Variants in CNTNAP2 observed in about 807,000 individuals in gnomAD.
The protein encoded by CNTNAP2 is contactin-associated protein-like 2.
A neutral mutation model predicts 155.2 loss-of-function variants in CNTNAP2; 98 were observed. The ratio of observed to expected loss-of-function variants is 0.63; its 90% CI spans 0.54 to 0.75. The LOEUF is 0.75. CNTNAP2 is among the 30% of genes least tolerant of loss of function. The pLI is 0.00. For missense variants in CNTNAP2, 1,727 were observed against 1,688.1 expected, an observed-to-expected ratio of 1.02 and a Z score of -0.40; for synonymous variants, 651 against 631.2, an observed-to-expected ratio of 1.03 and a Z score of -0.47.
intron 1 of CNTNAP2, among the ~76,000 whole-genome samples, chr7:146,671,108 A>C (rs944763630): frequency 3.3e-5 from 5 of 152,136 alleles, no homozygotes; most frequent in African/African-American, 1.2e-4. Context: ...TTCTCTCTAG[A>C]AATGTCTTCA....
intron 13 of CNTNAP2, among the ~76,000 whole-genome samples, chr7:147,794,563 T>A (rs1434482138): frequency 6.6e-6 from 1 of 151,842 alleles, no homozygotes. Context: ...TGAAGTTTTT[T>A]ATACCACAAT....
chr7:146,280,612 T>A (rs1232475974), intron 1 of CNTNAP2, among the ~76,000 whole-genome samples: 2 of 152,166 alleles, frequency 1.3e-5, no homozygotes, highest in African/African-American at 4.8e-5. Flanking sequence ...CCACATTATG[T>A]ATCATTTGGG....
chr7:147,654,996 T>C (rs929423828), intron 13 of CNTNAP2, among the ~76,000 whole-genome samples: 3 of 151,696 alleles, frequency 2.0e-5, no homozygotes, highest in African/African-American at 4.8e-5. Flanking sequence ...TTTGTATTTT[T>C]AGTAGAGACA....
intron 1 of CNTNAP2, among the ~76,000 whole-genome samples, chr7:146,596,667 T>C (rs1798866782): frequency 1.5e-5 from 2 of 133,782 alleles, no homozygotes; most frequent in African/African-American, 5.4e-5. Context: ...ATGTGAGCCA[T>C]GGTGGTTTTA....
chr7:146,843,491 C>T (rs1227762737), intron 3 of CNTNAP2, among the ~76,000 whole-genome samples: 1 of 150,852 alleles, frequency 6.6e-6, no homozygotes, highest in Non-Finnish European at 1.5e-5. Flanking sequence ...ATATCAGAGA[C>T]ACAATCTAAA....
chr7:146,739,407 C>G (rs985078953), intron 1 of CNTNAP2, among the ~76,000 whole-genome samples: 5 of 151,850 alleles, frequency 3.3e-5, no homozygotes, highest in Admixed American at 2.0e-4. Context: ...TTCACAGACT[C>G]ATTGATTGTT....
At chr7:146,882,286 C>A (rs543706127) in intron 3 of CNTNAP2, among the ~76,000 whole-genome samples, 3 of 152,088 alleles carry the variant, frequency 2.0e-5, no homozygotes, top group Non-Finnish European at 4.4e-5. Context: ...ATGCATGTAT[C>A]TTTTTGGCAG....
At chr7:146,414,608 G>A (rs940958) in intron 1 of CNTNAP2, among the ~76,000 whole-genome samples, 5,387 of 152,028 alleles carry the variant, frequency 0.035, 328 homozygotes, top group African/African-American at 0.12. Context: ...TTGTTATTTC[G>A]AGTTCCTACT....
chr7:146,597,094 C>T lies in CNTNAP2; in HGVS notation c.98-177177C>T, dbSNP rs548510060. ...GATGAAGAAAAATGTTATTGCAGCA[C>T]GGGAGAGCACTGTATTCTTATTAAG... On this transcript the variant is annotated intron_variant, in intron 1 of 23. Coordinates refer to ENST00000361727, the MANE Select transcript of CNTNAP2 (RefSeq NM_014141.6). Among the ~76,000 whole-genome samples, 21 of 152,068 alleles carry T rather than the reference C, an allele frequency of 1.4e-4. 1 individual carries two copies. Among genetic ancestry groups the T allele is most frequent in the Admixed American group, 1.2e-3 (18 of 15,244 alleles).
intron 18 of CNTNAP2, among the ~76,000 whole-genome samples, chr7:148,211,848 T>C (rs191745108): frequency 2.0e-5 from 3 of 152,330 alleles, no homozygotes; most frequent in Admixed American, 1.3e-4. Flanking sequence ...TAAAACATTG[T>C]TTCTGTGGGG....
At chr7:146,176,275 G>A (rs1346612222) in intron 1 of CNTNAP2, among the ~76,000 whole-genome samples, 1 of 152,096 alleles carries the variant, frequency 6.6e-6, no homozygotes, top group Non-Finnish European at 1.5e-5. Flanking sequence ...ATAATTGGGG[G>A]AAAAACAGAG....
At chr7:147,030,148 C>T (rs1157304016) in intron 3 of CNTNAP2, among the ~76,000 whole-genome samples, 6 of 152,172 alleles carry the variant, frequency 3.9e-5, no homozygotes, top group Non-Finnish European at 8.8e-5. Flanking sequence ...GTGTTGGTTA[C>T]TGCTATAAAT....
chr7:147,720,697 G>A (rs1057350347), intron 13 of CNTNAP2, among the ~76,000 whole-genome samples: 1 of 152,034 alleles, frequency 6.6e-6, no homozygotes, highest in Non-Finnish European at 1.5e-5. Context: ...ACTTCACTAG[G>A]CACTTCTCCT....
chr7:146,373,655 G>GA (rs1246345483), intron 1 of CNTNAP2, among the ~76,000 whole-genome samples: 1 of 151,804 alleles, frequency 6.6e-6, no homozygotes, highest in Non-Finnish European at 1.5e-5. Flanking sequence ...AAGAATAAAG[G>GA]AAAAAATAAA....
At chr7:146,908,622 T>A (rs1468008191) in intron 3 of CNTNAP2, among the ~76,000 whole-genome samples, 1 of 128,952 alleles carries the variant, frequency 7.8e-6, no homozygotes. Flanking sequence ...AGACACAACA[T>A]ACCAGAATCT....
chr7:146,593,820 G>T (rs1008348183), intron 1 of CNTNAP2, among the ~76,000 whole-genome samples: 1 of 152,064 alleles, frequency 6.6e-6, no homozygotes, highest in Admixed American at 6.6e-5. Flanking sequence ...TTTCAACTAG[G>T]CCTGACTTTT....
intron 21 of CNTNAP2, among the ~76,000 whole-genome samples, chr7:148,316,781 G>A (rs1311632578): frequency 6.6e-6 from 1 of 152,106 alleles, no homozygotes; most frequent in East Asian, 1.9e-4. Flanking sequence ...CATTTTGCAG[G>A]GAACCAAAGA....
rs373940426 is a variant in CNTNAP2 at position 147,999,229 on chromosome 7, C to T, written c.2383+21240C>T. Among the ~76,000 whole-genome samples, 13 of 152,140 alleles carry T rather than the reference C, an allele frequency of 8.5e-5. No individual in the cohort carries two copies. In the East Asian group the frequency reaches 1.7e-3, roughly 20 times the overall value. On this transcript the variant is annotated intron_variant, in intron 15 of 23. Transcript: ENST00000361727. The stretch of plus-strand genomic sequence containing the variant: ...TCCTGAGTAGCTGGAATTACAGGCA[C>T]GCACCACCACACACAGCTAATTGTT...
intron 14 of CNTNAP2, among the ~76,000 whole-genome samples, chr7:147,918,282 T>C (rs1322159777): frequency 6.6e-6 from 1 of 152,216 alleles, no homozygotes; most frequent in Non-Finnish European, 1.5e-5. Flanking sequence ...AAGCCAAATG[T>C]GTAGCACTTT....
Sources: allele counts gnomAD v4.1 joint callset (sites outside exome capture counted in the v4.1 genomes callset), GRCh38; gene constraint gnomAD v4.1.1; transcripts MANE v1.5; gene names NCBI Gene and HGNC (gene_info 2026-07-23, HGNC 2026-07-21).